Variants in SYNPO2 observed in about 807,000 individuals in gnomAD.
SYNPO2 encodes synaptopodin 2.
A neutral mutation model predicts 85.0 loss-of-function variants in SYNPO2; 56 were observed. The ratio of observed to expected loss-of-function variants is 0.66; its 90% confidence interval spans 0.53 to 0.82. The LOEUF is 0.82. Ranked by LOEUF, SYNPO2 falls within the 40% of genes least tolerant of loss-of-function variation. The pLI is 0.00. For synonymous variants in SYNPO2, 602 were observed against 591.1 expected, an observed-to-expected ratio of 1.02 and a Z score of -0.27; for missense variants, 1,575 against 1,534.2, an observed-to-expected ratio of 1.03 and a Z score of -0.44.
At chr4:118,893,842 A>T (rs1582800) in intron 1 of SYNPO2, among the ~76,000 whole-genome samples, 5,019 of 109,090 alleles carry the variant, frequency 0.046, 109 homozygotes, top group African/African-American at 0.096. Flanking sequence ...AAAATAGCTA[A>T]AAAAAAAAGG....
rs527505065 is a variant in SYNPO2, at chr4:118,974,110, C to A, written c.106-49320C>A. 2.0e-4 allele frequency among the ~76,000 whole-genome samples: 30 copies of A among 152,214 alleles called. No homozygotes were observed. The East Asian group carries it at 5.6e-3, about 28-fold the overall frequency. On this transcript the variant is annotated intron_variant, in intron 1 of 4. Transcript: ENST00000307142. ...AACATAGCTAAATATTAAACCTGGA[C>A]AATAATTATGTTTGAGCTAAGAAAA...
At chr4:119,034,778 C>T (rs1299922530) in intron 4 of SYNPO2, 19 of 985,382 alleles carry the variant, frequency 1.9e-5, no homozygotes, top group Non-Finnish European at 2.2e-5. Context: ...ATATGTGCCA[C>T]CTTTCAGGTT....
intron 1 of SYNPO2, among the ~76,000 whole-genome samples, chr4:118,881,054 G>A (rs897584883): frequency 1.3e-5 from 2 of 152,104 alleles, no homozygotes; most frequent in African/African-American, 4.8e-5. Flanking sequence ...TGTAATCCCA[G>A]CACTTTGGGA....
chr4:118,891,257 G>A (rs996798735), intron 1 of SYNPO2, among the ~76,000 whole-genome samples: 5 of 152,102 alleles, frequency 3.3e-5, no homozygotes, highest in African/African-American at 1.2e-4. Flanking sequence ...TTTGTAGTTT[G>A]TGATACTATA....
chr4:118,958,851 G>A (rs1418721229), intron 1 of SYNPO2, among the ~76,000 whole-genome samples: 1 of 152,116 alleles, frequency 6.6e-6, no homozygotes, highest in Non-Finnish European at 1.5e-5. Context: ...TGCCCTTCTA[G>A]CCTCTAAGGA....
chr4:118,977,562 C>A (rs1051037439), intron 1 of SYNPO2, among the ~76,000 whole-genome samples: 1 of 152,216 alleles, frequency 6.6e-6, no homozygotes, highest in Non-Finnish European at 1.5e-5. Flanking sequence ...GGGGAGGTGC[C>A]GAGAGCAAGC....
chr4:119,039,540 C>T (rs1050670081), intron 4 of SYNPO2, among the ~76,000 whole-genome samples: 2 of 152,154 alleles, frequency 1.3e-5, no homozygotes, highest in Non-Finnish European at 2.9e-5. Context: ...TCTCCATCAG[C>T]CTATTTGCTT....
intron 1 of SYNPO2, among the ~76,000 whole-genome samples, chr4:118,963,797 G>A (rs1251054765): frequency 6.6e-6 from 1 of 152,182 alleles, no homozygotes; most frequent in Non-Finnish European, 1.5e-5. Context: ...CAGATCCTCT[G>A]ACCAAACAAC....
intron 1 of SYNPO2, among the ~76,000 whole-genome samples, chr4:118,933,778 A>T (rs1289423951): frequency 6.7e-6 from 1 of 148,674 alleles, no homozygotes; most frequent in Non-Finnish European, 1.5e-5. Flanking sequence ...CGAGGTCATT[A>T]ACACTGTAGG....
At chr4:118,980,052 T>C (rs939158130) in intron 1 of SYNPO2, among the ~76,000 whole-genome samples, 2 of 152,232 alleles carry the variant, frequency 1.3e-5, no homozygotes, top group African/African-American at 4.8e-5. Flanking sequence ...GTTGGATACA[T>C]TGCATAGTAT....
intron 1 of SYNPO2, among the ~76,000 whole-genome samples, chr4:118,994,486 A>G (rs1420076573): frequency 1.3e-5 from 2 of 152,356 alleles, no homozygotes. Flanking sequence ...TAAAGAATTG[A>G]GAGATGGAGT....
chr4:118,891,050 T>C (rs1288741435), intron 1 of SYNPO2, among the ~76,000 whole-genome samples: 1 of 152,116 alleles, frequency 6.6e-6, no homozygotes, highest in Non-Finnish European at 1.5e-5. Context: ...ACTGAAGAGC[T>C]GAAGCAGATT....
chr4:119,009,192 A>C (rs41490144), intron 1 of SYNPO2, among the ~76,000 whole-genome samples: 3,241 of 152,272 alleles, frequency 0.021, 91 homozygotes, highest in African/African-American at 0.061. Flanking sequence ...ATTTTTGAAG[A>C]GCTAATTATT....
intron 1 of SYNPO2, among the ~76,000 whole-genome samples, chr4:118,996,097 C>T (rs924365110): frequency 3.3e-5 from 5 of 152,212 alleles, no homozygotes; most frequent in African/African-American, 1.2e-4. Context: ...CATCCTCTCT[C>T]TACCTGTCCA....
Position 118,853,245 on chromosome 4 carries a change from G to A in SYNPO2, c.12+2305G>A, listed in dbSNP as rs1247125779. Among the ~76,000 whole-genome samples, 3 of 152,136 alleles carry A rather than the reference G, an allele frequency of 2.0e-5. No homozygotes were observed. In the East Asian group the frequency reaches 5.8e-4, roughly 29 times the overall value. ...TCTGGGGCTTAGTAGGTTCTCAACA[G>A]ATGTTTGTAGATTTGAATTGAATTT... On this transcript the variant is annotated intron_variant, in intron 1 of 4. Transcript: ENST00000610556.
At chr4:118,881,805 C>T (rs543079931) in intron 1 of SYNPO2, among the ~76,000 whole-genome samples, 3 of 152,186 alleles carry the variant, frequency 2.0e-5, no homozygotes, top group African/African-American at 2.4e-5. Flanking sequence ...GGAATGCTAC[C>T]GAGCACCACC....
intron 1 of SYNPO2, among the ~76,000 whole-genome samples, chr4:118,940,472 C>T (rs1335191730): frequency 6.9e-6 from 1 of 145,446 alleles, no homozygotes; most frequent in Non-Finnish European, 1.5e-5. Flanking sequence ...TGCCTTACAA[C>T]TTGTGAAAGC....
chr4:118,933,872 A>G (rs1734016501), intron 1 of SYNPO2, among the ~76,000 whole-genome samples: 1 of 129,286 alleles, frequency 7.7e-6, no homozygotes, highest in Non-Finnish European at 1.6e-5. Context: ...AAGGAGAAAA[A>G]AAGGATTGAG....
At chr4:119,010,034 C>T (rs1180795380) in intron 1 of SYNPO2, among the ~76,000 whole-genome samples, 1 of 152,164 alleles carries the variant, frequency 6.6e-6, no homozygotes, top group East Asian at 1.9e-4. Flanking sequence ...CACCTGTCAG[C>T]TCACCTACAT....
Sources: allele counts gnomAD v4.1 joint callset (sites outside exome capture counted in the v4.1 genomes callset), GRCh38; gene constraint gnomAD v4.1.1; transcripts MANE v1.5; gene names NCBI Gene and HGNC (gene_info 2026-07-23, HGNC 2026-07-21).